Variants in SLC17A8 observed in about 807,000 individuals in gnomAD.
SLC17A8 encodes solute carrier family 17 member 8.
In SLC17A8, 31 loss-of-function variants were observed where a neutral mutation model predicts 58.0. The observed-to-expected ratio is 0.53, with a 90% CI of 0.40 to 0.72. SLC17A8 has a LOEUF of 0.72. SLC17A8 is among the 30% of genes least tolerant of loss of function. SLC17A8 has a pLI of 0.00. For synonymous variants in SLC17A8, 228 were observed against 249.0 expected (o/e 0.92, Z 0.79); for missense variants, 655 against 727.8 (o/e 0.90, Z 1.15).
At chr12:100,375,240 C>T (rs1463587703) in intron 1 of SLC17A8, among the ~76,000 whole-genome samples, 2 of 151,516 alleles carry the variant, frequency 1.3e-5, no homozygotes, top group Admixed American at 6.6e-5. Flanking sequence ...TTCCTGCCTC[C>T]GCCTCCCAAA....
intron 1 of SLC17A8, among the ~76,000 whole-genome samples, chr12:100,368,482 G>A (rs1209205996): frequency 1.3e-5 from 2 of 152,084 alleles, no homozygotes; most frequent in African/African-American, 4.8e-5. Context: ...CACAGGTATC[G>A]GGGGTTAGAA....
chr12:100,381,054 C>T, intron 2 of SLC17A8, 101 bp downstream of exon 2: 1 of 1,382,624 alleles, frequency 7.2e-7, no homozygotes. Context: ...TTACTGCAGC[C>T]CCAACCTGCC....
chr12:100,381,683 C>A (rs1393167240), intron 2 of SLC17A8, among the ~76,000 whole-genome samples: 1 of 152,056 alleles, frequency 6.6e-6, no homozygotes, highest in Non-Finnish European at 1.5e-5. Context: ...GACTAATGAA[C>A]CTTTGCCAAA....
chr12:100,366,050 CTTTTTTTTT>C (rs67071341), intron 1 of SLC17A8, among the ~76,000 whole-genome samples: 4 of 90,862 alleles, frequency 4.4e-5, no homozygotes, highest in African/African-American at 1.4e-4. Context: ...GTGATCCCTT[CTTTTTTTTT>C]TTTTTTTTTT....
At chr12:100,374,718 T>C (rs1032844394) in intron 1 of SLC17A8, among the ~76,000 whole-genome samples, 1 of 152,212 alleles carries the variant, frequency 6.6e-6, no homozygotes, top group African/African-American at 2.4e-5. Flanking sequence ...ACAGCAATAT[T>C]ATGCAAAGGA....
At chr12:100,399,149 T>C (rs2136002183) in intron 5 of SLC17A8, among the ~76,000 whole-genome samples, 1 of 152,206 alleles carries the variant, frequency 6.6e-6, no homozygotes, top group South Asian at 2.1e-4. Context: ...TTACAGCTAG[T>C]GAGGGCCGAA....
intron 1 of SLC17A8, among the ~76,000 whole-genome samples, chr12:100,364,190 C>A (rs1952503643): frequency 6.6e-6 from 1 of 151,766 alleles, no homozygotes; most frequent in African/African-American, 2.4e-5. Flanking sequence ...GTGTTTTGGT[C>A]TGAAAAAATG....
chr12:100,391,548 A>G (rs1264776791), intron 3 of SLC17A8, among the ~76,000 whole-genome samples: 1 of 152,060 alleles, frequency 6.6e-6, no homozygotes, highest in Non-Finnish European at 1.5e-5. Flanking sequence ...CAAGTGATCC[A>G]CCCGCCTTAG....
At chr12:100,386,296 A>G (rs1291623247) in intron 2 of SLC17A8, among the ~76,000 whole-genome samples, 3 of 152,226 alleles carry the variant, frequency 2.0e-5, no homozygotes, top group Admixed American at 6.5e-5. Context: ...ATAATTTTAA[A>G]AAATTTTATT....
intron 1 of SLC17A8, among the ~76,000 whole-genome samples, chr12:100,378,639 T>C (rs1952610793): frequency 6.6e-6 from 1 of 152,098 alleles, no homozygotes; most frequent in Non-Finnish European, 1.5e-5. Context: ...TGGGGATTTC[T>C]GGAGCAATAT....
chr12:100,419,696 C>T, intron 11 of SLC17A8, 119 bp from the exon 12 acceptor site: 1 of 939,288 alleles, frequency 1.1e-6, no homozygotes, highest in Non-Finnish European at 1.7e-6. Flanking sequence ...GCCCAAGGAG[C>T]CTCTAGAGCA....
At chr12:100,360,359 CA>C in intron 1 of SLC17A8, among the ~76,000 whole-genome samples, 1 of 152,286 alleles carries the variant, frequency 6.6e-6, no homozygotes, top group South Asian at 2.1e-4. Context: ...ATAACAGTGA[CA>C]AAACAGTATC....
At position 100,398,279 on chromosome 12, in the gene SLC17A8, A is replaced by G. The variant is rs118179636; in HGVS notation, c.676+1862A>G. On this transcript the variant is annotated intron_variant, in intron 5 of 11. Coordinates refer to ENST00000323346, the MANE Select transcript of SLC17A8 (RefSeq NM_139319.3). Reference sequence around the variant, plus strand: ...TCTCTTGTCCTTAGAAACCATCTCCATCCGCTCATTTGCAGTTTAAGCATC... The same window carrying G: ...TCTCTTGTCCTTAGAAACCATCTCCGTCCGCTCATTTGCAGTTTAAGCATC... Among the ~76,000 whole-genome samples, 39 of 152,258 alleles carry G rather than the reference A, an allele frequency of 2.6e-4. No individual in the cohort carries two copies. The East Asian group carries it at 6.2e-3, about 24-fold the overall frequency.
chr12:100,397,090 G>A (rs952276044), intron 5 of SLC17A8, among the ~76,000 whole-genome samples: 5 of 152,142 alleles, frequency 3.3e-5, no homozygotes, highest in Non-Finnish European at 7.3e-5. Context: ...TGCAGAGGAG[G>A]CTAGGCAAGC....
chr12:100,402,692 C>G lies in SLC17A8; in HGVS notation c.1000C>G (p.Leu334Val). Residue 334 changes from leucine (L) to valine (V), a missense_variant, in exon 8 of 12, where the codon CTC becomes GTC. Physicochemically the swap from Leu to Val is conservative, Grantham distance 32. Transcript: ENST00000323346. ...CAGAAGCTGGACCTTTTATTTGCTC[C>G]TCATAAGTCAGCCTGCTTATTTTGA... Reference protein sequence around the residue: ...FCRSWTFYLLLISQPAYFEEV... With the variant: ...FCRSWTFYLLVISQPAYFEEV... 1 of 1,614,030 alleles carries G rather than the reference C, an allele frequency of 6.2e-7. No homozygotes were observed. Among genetic ancestry groups the G allele is most frequent in the Non-Finnish European group, 8.5e-7 (1 of 1,180,006 alleles).
At chr12:100,379,138 A>G (rs1048293912) in intron 1 of SLC17A8, among the ~76,000 whole-genome samples, 6 of 152,226 alleles carry the variant, frequency 3.9e-5, no homozygotes, top group Admixed American at 3.3e-4. Context: ...TCCTTGAGTC[A>G]TAAGAACCTG....
At chr12:100,399,510 G>T (rs1402158292) in intron 5 of SLC17A8, among the ~76,000 whole-genome samples, 4 of 152,074 alleles carry the variant, frequency 2.6e-5, no homozygotes, top group Non-Finnish European at 5.9e-5. Context: ...GTTCTGCATG[G>T]CTGGGGAGGC....
At chr12:100,401,325 G>A (rs1195131617) in intron 5 of SLC17A8, among the ~76,000 whole-genome samples, 2 of 150,736 alleles carry the variant, frequency 1.3e-5, no homozygotes, top group Non-Finnish European at 3.0e-5. Flanking sequence ...TTTTAATCAA[G>A]ACTTTAAAAA....
chr12:100,379,038 C>T (rs911911466), intron 1 of SLC17A8, among the ~76,000 whole-genome samples: 1 of 152,178 alleles, frequency 6.6e-6, no homozygotes, highest in Non-Finnish European at 1.5e-5. Flanking sequence ...AGCCCAGTAC[C>T]TGAGACACAG....
Sources: gnomAD v4.1 joint callset for allele counts (sites outside exome capture counted in the v4.1 genomes callset) on GRCh38, gnomAD v4.1.1 for gene constraint, MANE v1.5 for transcripts, NCBI Gene and HGNC (gene_info 2026-07-23, HGNC 2026-07-21) for gene names.